The following ARHGAP8 variants were observed in gnomAD, a reference collection of about 807,000 sequenced individuals.
The protein encoded by ARHGAP8 is rho GTPase-activating protein 8.
ARHGAP8 carries 62 observed loss-of-function variants against 46.1 expected under a neutral mutation model. The observed-to-expected ratio is 1.34, with a 90% CI of 1.10 to 1.66. The LOEUF (loss-of-function observed/expected upper bound fraction) is 1.66. Ranked by LOEUF, ARHGAP8 falls within the 40% of genes most tolerant of loss-of-function variation. The pLI is 0.00. For synonymous variants in ARHGAP8, 375 were observed against 243.1 expected (o/e 1.54, Z -5.05); for missense variants, 923 against 568.4 (o/e 1.62, Z -6.34).
chr22:44,822,107 T>G (rs565698627), intron 5 of ARHGAP8, among the ~76,000 whole-genome samples: 1 of 152,204 alleles, frequency 6.6e-6, no homozygotes, highest in African/African-American at 2.4e-5. Flanking sequence ...TCAGGGCAGA[T>G]GTAAATTGGA....
intron 7 of ARHGAP8, among the ~76,000 whole-genome samples, chr22:44,840,294 G>A (rs150367241): frequency 0.01 from 1,589 of 152,220 alleles, 39 homozygotes; most frequent in East Asian, 0.052. Context: ...TCAGGATCTC[G>A]GCAGGGCTGC....
At chr22:44,813,616 C>T (rs41487149) in intron 4 of ARHGAP8, among the ~76,000 whole-genome samples, 52,597 of 150,718 alleles carry the variant, frequency 0.35, 9,601 homozygotes, top group East Asian at 0.51. Context: ...CACACACTTA[C>T]GCTTACTTAT....
chr22:44,780,654 T>G (rs1050017298), intron 1 of ARHGAP8, among the ~76,000 whole-genome samples: 1 of 152,150 alleles, frequency 6.6e-6, no homozygotes, highest in Admixed American at 6.5e-5. Context: ...GGAGCAAGAC[T>G]CCATCTCAAA....
chr22:44,819,843 A>T (rs1930001375), intron 5 of ARHGAP8, among the ~76,000 whole-genome samples: 1 of 152,176 alleles, frequency 6.6e-6, no homozygotes. Context: ...CCCAAGTCGC[A>T]CCATGAGAGG....
intron 7 of ARHGAP8, among the ~76,000 whole-genome samples, chr22:44,841,083 C>A (rs929276324): frequency 2.6e-5 from 4 of 152,128 alleles, no homozygotes; most frequent in African/African-American, 7.2e-5. Context: ...CCATAGAGAG[C>A]AAGGAGGAAG....
intron 10 of ARHGAP8, among the ~76,000 whole-genome samples, chr22:44,859,094 A>G (rs1053014079): frequency 1.2e-4 from 19 of 152,180 alleles, no homozygotes; most frequent in Admixed American, 1.0e-3. Flanking sequence ...GACCACTCCC[A>G]TTTATAAAGT....
Position 44,862,688 on chromosome 22 carries a change from C to T in ARHGAP8, c.*93C>T. On this transcript the variant is annotated 3_prime_UTR_variant, in exon 12 of 12. Coordinates refer to ENST00000356099, the MANE Select transcript of ARHGAP8 (RefSeq NM_181335.3). ...ACTTGGCATCTGTAAAAATAACCAG[C>T]CATTAGATGAATTCAGAACCTTCTA... 3 of 1,417,016 alleles carry T rather than the reference C, an allele frequency of 2.1e-6. No individual in the cohort carries two copies. In the South Asian group the frequency reaches 4.5e-5, roughly 21 times the overall value. The allele number at this position is 1,417,016 out of a possible 1,614,324, so 87.8% of individuals were successfully genotyped here.
intron 2 of ARHGAP8, 37 bp from the exon 3 acceptor site, chr22:44,802,040 A>G (rs372332457): frequency 1.4e-5 from 22 of 1,610,068 alleles, no homozygotes; most frequent in Non-Finnish European, 1.9e-5. Context: ...TTCTAGGAGA[A>G]GGTGGCACAG....
chr22:44,783,057 C>CTCCT (rs1214075652), intron 1 of ARHGAP8, among the ~76,000 whole-genome samples: 1 of 148,368 alleles, frequency 6.7e-6, no homozygotes, highest in Non-Finnish European at 1.5e-5. Flanking sequence ...ACACGCTCCC[C>CTCCT]TCCCTCCCTC....
At chr22:44,848,428 G>A (rs951985560) in intron 9 of ARHGAP8, among the ~76,000 whole-genome samples, 5 of 152,226 alleles carry the variant, frequency 3.3e-5, no homozygotes, top group African/African-American at 7.2e-5. Flanking sequence ...TGTGTAACCC[G>A]CAGGCAGGGG....
intron 4 of ARHGAP8, 60 bp from the exon 5 acceptor site, chr22:44,814,612 G>A (rs1357617478): frequency 1.4e-6 from 2 of 1,475,072 alleles, no homozygotes; most frequent in East Asian, 4.6e-5. Context: ...CAGGGTTATT[G>A]GGCGTGGGGT....
Position 44,862,459 on chromosome 22 carries a change from A to C in ARHGAP8, c.1166A>C (p.Glu389Ala), listed in dbSNP as rs746836371. The C allele has an allele frequency of 1.2e-6, 2 of 1,613,968 alleles. No individual in the cohort carries two copies. The highest frequency in any genetic ancestry group is 1.7e-6 in the Non-Finnish European group (2 of 1,179,936). ...TTCAGCACCCCGGAGGCACCTGGGG[A>C]GCACGGCCTGGCACCATGGGAACAG... ...KIFSTPEAPG[E>A]HGLAPWEQGS... is the part of the protein sequence containing the mutation. Residue 389 changes from glutamate to alanine, a missense_variant, in exon 12 of 12, where the codon GAG becomes GCG. Physicochemically the swap from Glu to Ala is moderately radical, Grantham distance 107 (BLOSUM62 -1). Coordinates refer to ENST00000356099, the MANE Select transcript of ARHGAP8 (RefSeq NM_181335.3).
At chr22:44,756,570 C>A (rs1245382983) in intron 1 of ARHGAP8, among the ~76,000 whole-genome samples, 1 of 141,966 alleles carries the variant, frequency 7.0e-6, no homozygotes, top group African/African-American at 2.7e-5. Context: ...CCTGTGCTCA[C>A]CCCACACCCC....
intron 3 of ARHGAP8, among the ~76,000 whole-genome samples, chr22:44,805,445 TTA>T (rs1397379412): frequency 6.6e-6 from 1 of 152,190 alleles, no homozygotes; most frequent in African/African-American, 2.4e-5. Context: ...AGTGGTTAAT[TTA>T]TGTTATGTGA....
chr22:44,812,827 G>A (rs990668138), intron 4 of ARHGAP8, among the ~76,000 whole-genome samples: 1 of 152,134 alleles, frequency 6.6e-6, no homozygotes, highest in Non-Finnish European at 1.5e-5. Context: ...ATCTGACGAA[G>A]GGAAGAGCTT....
chr22:44,856,254 CTTTTTTTTTTTTTTTTTTTT>C lies in ARHGAP8; in HGVS notation c.878-3461_878-3442del, dbSNP rs557242169. On this transcript the variant is annotated intron_variant, in intron 10 of 11. Transcript: ENST00000356099. ...TACTGTCTGGCCAGCTATAAATTCCCTTTTTTTTTTTTTTTTTTTTTTTTTTTTTTTTTTTGAGACAAAGT... is the reference window on the plus strand; with the variant it reads ...TACTGTCTGGCCAGCTATAAATTCCCTTTTTTTTTTTTTTTGAGACAAAGT... Among the ~76,000 whole-genome samples the C allele has an allele frequency of 5.2e-4, 45 of 86,884 alleles. 1 individual carries two copies. In the South Asian group the frequency reaches 0.017, roughly 33 times the overall value. 57.0% of individuals were successfully genotyped at this position (86,884 alleles called of 152,430 possible). A position where few individuals can be genotyped will look rare whatever the true frequency, so the allele number is the denominator to read the frequency against.
In ARHGAP8 at chr22:44,786,613, C is replaced by T. The variant is rs1927258802; in HGVS notation, c.79+7C>T. The T allele has an allele frequency of 6.2e-7, 1 of 1,611,998 alleles. No homozygotes were observed. Among genetic ancestry groups the T allele is most frequent in the South Asian group, 1.1e-5 (1 of 90,748 alleles). ...GGCATTCTGCAGGTGGCAGGTAGGG[C>T]CCCAGCTGGGCAGTCTGCAGGACCA... On this transcript the variant is annotated splice_region_variant and intron_variant, in intron 2 of 11. Transcript: ENST00000356099.
Position 44,808,388 on chromosome 22 carries a change from C to T in ARHGAP8, c.249C>T (p.Asn83=). Residue 83 remains asparagine, a synonymous_variant, in exon 4 of 12, where the codon AAC becomes AAT. Transcript: ENST00000356099. The part of the protein sequence containing the change: ...VYFHYGLNSR[N]KPSLGWLQSA... The stretch of plus-strand genomic sequence containing the variant: ...TCCACTACGGGCTGAACAGCCGGAA[C>T]AAGCCTTCCCTGGGCTGGCTCCAGA... 4 of 1,614,252 alleles carry T rather than the reference C, an allele frequency of 2.5e-6. No individual in the cohort carries two copies. The highest frequency in any genetic ancestry group is 1.6e-4 in the Middle Eastern group (1 of 6,062).
chr22:44,832,304 A>G lies in ARHGAP8; in HGVS notation c.596+6711A>G, dbSNP rs375866453. On this transcript the variant is annotated intron_variant, in intron 7 of 11. Coordinates refer to ENST00000356099, the MANE Select transcript of ARHGAP8 (RefSeq NM_181335.3). The stretch of plus-strand genomic sequence containing the variant: ...TGCAGTGGTGCAATCTTGGCGCACT[A>G]CAACCTCTGCCTCCTGGGTTCAAGT... 3.4e-5 allele frequency among the ~76,000 whole-genome samples: 5 copies of G among 147,526 alleles called. No homozygotes were observed. In the East Asian group the frequency reaches 1.0e-3, roughly 30 times the overall value.
Sources: gnomAD v4.1 joint callset for allele counts (sites outside exome capture counted in the v4.1 genomes callset) on GRCh38, gnomAD v4.1.1 for gene constraint, MANE v1.5 for transcripts, NCBI Gene and HGNC (gene_info 2026-07-23, HGNC 2026-07-21) for gene names.